LRRC7: variants seen among roughly 807,000 people sequenced by gnomAD.
The protein encoded by LRRC7 is leucine-rich repeat-containing protein 7.
Under a neutral mutation model 175.7 loss-of-function variants are expected in LRRC7, and 23 were observed. That is an observed-to-expected ratio of 0.13 (90% confidence interval 0.09 to 0.19). The LOEUF (loss-of-function observed/expected upper bound fraction) is 0.19, where lower values mean the gene tolerates loss of function less well. Ranked by LOEUF, LRRC7 falls within the 10% of genes least tolerant of loss-of-function variation. The pLI is 1.00. For synonymous variants in LRRC7, 685 were observed against 680.9 expected (o/e 1.01, Z -0.09); for missense variants, 1,354 against 1,904.7 (o/e 0.71, Z 5.38).
At chr1:69,976,244 T>C (rs1016454877) in intron 8 of LRRC7, among the ~76,000 whole-genome samples, 1 of 152,144 alleles carries the variant, frequency 6.6e-6, no homozygotes, top group African/African-American at 2.4e-5. Context: ...CTCCACAAGC[T>C]GAGGCACAAG....
chr1:69,729,353 AC>A (rs1164898178), intron 2 of LRRC7, among the ~76,000 whole-genome samples: 1 of 152,134 alleles, frequency 6.6e-6, no homozygotes, highest in African/African-American at 2.4e-5. Context: ...CTAATCTGAG[AC>A]AAGGCAAGTC....
chr1:69,779,649 T>C (rs1673251841), intron 3 of LRRC7, among the ~76,000 whole-genome samples: 1 of 152,178 alleles, frequency 6.6e-6, no homozygotes, highest in Non-Finnish European at 1.5e-5. Flanking sequence ...AACAACATCT[T>C]TGTACAAACT....
At chr1:70,053,984 G>A (rs1031987830) in intron 23 of LRRC7, among the ~76,000 whole-genome samples, 13 of 152,090 alleles carry the variant, frequency 8.5e-5, no homozygotes, top group African/African-American at 2.9e-4. Context: ...AATACAAGTC[G>A]TTTGTAGGTA....
chr1:70,036,285 G>T, intron 19 of LRRC7, 53 bp downstream of exon 19: 1 of 1,482,758 alleles, frequency 6.7e-7, no homozygotes, highest in Middle Eastern at 1.7e-4. Context: ...TGTGCATGAT[G>T]AATCGCCAGT....
At chr1:69,952,718 G>C (rs938108398) in intron 8 of LRRC7, among the ~76,000 whole-genome samples, 1 of 151,802 alleles carries the variant, frequency 6.6e-6, no homozygotes, top group East Asian at 1.9e-4. Context: ...TCATGTTCAG[G>C]CACCTCCAGT....
At chr1:69,696,316 C>G (rs908292631) in intron 2 of LRRC7, among the ~76,000 whole-genome samples, 35 of 152,140 alleles carry the variant, frequency 2.3e-4, no homozygotes, top group Admixed American at 2.6e-4. Context: ...ACCTACTGCT[C>G]CTTTCTTTTG....
At chr1:70,091,289 T>C (rs1336037659) in intron 25 of LRRC7, among the ~76,000 whole-genome samples, 6 of 152,142 alleles carry the variant, frequency 3.9e-5, no homozygotes, top group Non-Finnish European at 5.9e-5. Context: ...TAAAGAAGCA[T>C]AAAGGTTCAA....
chr1:69,583,016 AAAC>A (rs1404917261), intron 1 of LRRC7, among the ~76,000 whole-genome samples: 2 of 152,102 alleles, frequency 1.3e-5, no homozygotes, highest in African/African-American at 2.4e-5. Context: ...TCTAATATCT[AAAC>A]AAATCAGTTT....
At chr1:70,028,774 TA>T (rs1464737784) in intron 18 of LRRC7, among the ~76,000 whole-genome samples, 1 of 152,176 alleles carries the variant, frequency 6.6e-6, no homozygotes, top group Non-Finnish European at 1.5e-5. Context: ...GCACAATTTT[TA>T]AAATGTTTTT....
intron 1 of LRRC7, among the ~76,000 whole-genome samples, chr1:69,599,660 T>C (rs1421133979): frequency 2.0e-5 from 3 of 152,232 alleles, no homozygotes. Context: ...AATTCCTTGG[T>C]TCTGGGATGG....
intron 7 of LRRC7, among the ~76,000 whole-genome samples, chr1:69,897,987 G>A (rs929779788): frequency 6.6e-6 from 1 of 152,194 alleles, no homozygotes; most frequent in South Asian, 2.1e-4. Flanking sequence ...CACAATGGAA[G>A]ACATGGTAAC....
chr1:69,572,460 A>G (rs900186575), intron 1 of LRRC7, among the ~76,000 whole-genome samples: 1 of 152,170 alleles, frequency 6.6e-6, no homozygotes, highest in Non-Finnish European at 1.5e-5. Context: ...TGAATTGTCA[A>G]TAAAAACTCA....
At chr1:69,883,948 G>A (rs1484714069) in intron 7 of LRRC7, among the ~76,000 whole-genome samples, 3 of 70,016 alleles carry the variant, frequency 4.3e-5, no homozygotes, top group Admixed American at 1.7e-4. Context: ...TATTTCTGAG[G>A]GCTCTGTTCT....
At chr1:69,626,219 T>G (rs2100346539) in intron 1 of LRRC7, among the ~76,000 whole-genome samples, 1 of 152,234 alleles carries the variant, frequency 6.6e-6, no homozygotes, top group Non-Finnish European at 1.5e-5. Flanking sequence ...ACCTTGATCT[T>G]ATTTTGGCCC....
At position 69,981,562 on chromosome 1, in the gene LRRC7, G is replaced by T. The variant is rs1416458979; in HGVS notation, c.786+1109G>T. On this transcript the variant is annotated intron_variant, in intron 9 of 26. Transcript: ENST00000651989. ...GAATCAGAAACTATGCTAATGTCAGGGTTACAAAGATAATACATTCAATGA... is the reference window on the plus strand; with the variant it reads ...GAATCAGAAACTATGCTAATGTCAGTGTTACAAAGATAATACATTCAATGA... Among the ~76,000 whole-genome samples, 2 of 152,154 alleles carry T rather than the reference G, an allele frequency of 1.3e-5. 1 individual carries two copies. The highest frequency in any genetic ancestry group is 4.2e-4 in the South Asian group (2 of 4,806).
intron 3 of LRRC7, among the ~76,000 whole-genome samples, chr1:69,786,680 T>C (rs7533540): frequency 0.36 from 53,954 of 151,896 alleles, 9,670 homozygotes; most frequent in East Asian, 0.5. Flanking sequence ...CTTTTTAAAA[T>C]CATCAGATCT....
At chr1:69,570,775 G>T (rs529115124) in intron 1 of LRRC7, among the ~76,000 whole-genome samples, 1 of 152,230 alleles carries the variant, frequency 6.6e-6, no homozygotes, top group Admixed American at 6.5e-5. Context: ...TGAGCAAATA[G>T]GGATGTAGGA....
At chr1:70,102,563 C>T (rs571271691) in intron 25 of LRRC7, among the ~76,000 whole-genome samples, 1 of 152,174 alleles carries the variant, frequency 6.6e-6, no homozygotes, top group Non-Finnish European at 1.5e-5. Context: ...TGGGGTCTCA[C>T]CATTTTGCCC....
intron 8 of LRRC7, among the ~76,000 whole-genome samples, chr1:69,966,061 A>T (rs1019512118): frequency 2.0e-5 from 3 of 152,170 alleles, no homozygotes; most frequent in African/African-American, 4.8e-5. Context: ...TAGTAAAATT[A>T]AAAAGAAATA....
Sources: allele counts gnomAD v4.1 joint callset (sites outside exome capture counted in the v4.1 genomes callset), GRCh38; gene constraint gnomAD v4.1.1; transcripts MANE v1.5; gene names NCBI Gene and HGNC (gene_info 2026-07-23, HGNC 2026-07-21).